Variants in CMC4 observed in about 807,000 individuals in gnomAD.
The protein encoded by CMC4 is cx9C motif-containing protein 4.
Under a neutral mutation model 5.1 loss-of-function variants are expected in CMC4, and 4 were observed. That is an observed-to-expected ratio of 0.78 (90% CI 0.38 to 1.78). The LOEUF is 1.78. Among genes scored for constraint, CMC4 ranks in the 40% most tolerant of loss-of-function variants. The probability of loss-of-function intolerance (pLI) is 0.04; values close to 1 mark genes in which losing one functional copy is unlikely to be tolerated. For synonymous variants in CMC4, 23 were observed against 18.9 expected, an observed-to-expected ratio of 1.22 and a Z score of -0.57; for missense variants, 52 against 51.3, an observed-to-expected ratio of 1.01 and a Z score of -0.04.
intron 1 of CMC4, chrX:155,065,712 A>G: frequency 8.3e-7 from 1 of 1,211,498 alleles, no homozygotes; most frequent in East Asian, 3.0e-5. Flanking sequence ...GCTGGGAGGT[A>G]AGAAGGTGAC....
At chrX:155,068,182 G>C (rs1043680674) in intron 1 of CMC4, among the ~76,000 whole-genome samples, 1 of 112,287 alleles carries the variant, frequency 8.9e-6, no homozygotes, top group Non-Finnish European at 1.9e-5. Context: ...CCAACATGTT[G>C]ACATTTAAAT....
intron 1 of CMC4, chrX:155,064,379 CT>C: frequency 7.7e-6 from 1 of 130,364 alleles, no homozygotes; most frequent in Non-Finnish European, 1.5e-5. Flanking sequence ...ACTCCTTGAG[CT>C]TTTTTTATTA....
intron 2 of CMC4, among the ~76,000 whole-genome samples, chrX:155,062,931 C>G (rs1383399502): frequency 9.0e-6 from 1 of 111,694 alleles, no homozygotes; most frequent in South Asian, 3.7e-4. Flanking sequence ...TATAACGGTG[C>G]TTGTCATCTT....
In CMC4 at chrX:155,061,920, T is replaced by C; in HGVS notation, c.130A>G (p.Lys44Glu). The C allele has an allele frequency of 8.3e-7, 1 of 1,211,583 alleles. No individual in the cohort carries two copies. The highest frequency in any genetic ancestry group is 1.1e-6 in the Non-Finnish European group (1 of 895,279). The change falls in exon 3 of 3, where the codon AAG becomes GAG. Residue 44 changes from lysine (K) to glutamate (E), a missense_variant. Lys to Glu is a moderately conservative substitution (Grantham distance 56). Transcript: ENST00000369484. ...CCTGAACAGACGACAGATCTTCCCT[T>C]GGGATACTGAGCACAACACTTACGC... is the stretch of plus-strand genomic sequence containing the variant. ...ELRKCCAQYP[K>E]GRSVVCSGFE...
chrX:155,069,049 A>T (rs1407312307), intron 1 of CMC4, among the ~76,000 whole-genome samples: 1 of 112,738 alleles, frequency 8.9e-6, no homozygotes, highest in Non-Finnish European at 1.9e-5. Context: ...ACTGGCCAAG[A>T]CAGACAATTT....
intron 1 of CMC4, among the ~76,000 whole-genome samples, chrX:155,070,149 C>T (rs2073966284): frequency 9.0e-6 from 1 of 111,623 alleles, no homozygotes; most frequent in Non-Finnish European, 1.9e-5. Context: ...TGGATGGGGA[C>T]CCTATGTGTG....
rs1557291659 is a variant in CMC4 at position 155,062,036 on chromosome X, A to G, written c.59-45T>C. ...ACTCTAGTCATGATCTCATAGGACT[A>G]AGGTACAGGGAGGTTTAGATCAGTG... is the stretch of plus-strand genomic sequence containing the variant. On this transcript the variant is annotated intron_variant, in intron 2 of 2. Coordinates refer to ENST00000369484, the MANE Select transcript of CMC4 (RefSeq NM_001018024.3). 4 of 1,170,026 alleles carry G rather than the reference A, an allele frequency of 3.4e-6. No homozygotes were observed. In the African/African-American group the frequency reaches 7.0e-5, roughly 21 times the overall value.
At chrX:155,069,908 C>T (rs781999210) in intron 1 of CMC4, among the ~76,000 whole-genome samples, 109 of 112,058 alleles carry the variant, frequency 9.7e-4, no homozygotes, top group African/African-American at 3.1e-3. Flanking sequence ...TAAGAACAGC[C>T]GTTCCTGCTC....
rs1304384460 is a variant in CMC4 at position 155,071,104 on chromosome X, T to G, written c.-421A>C. 1 of 110,682 alleles carries G rather than the reference T, an allele frequency of 9.0e-6. No individual in the cohort carries two copies. Among genetic ancestry groups the G allele is most frequent in the Non-Finnish European group, 1.9e-5 (1 of 52,392 alleles). 9.1% of individuals were successfully genotyped at this position (110,682 alleles called of 1,213,427 possible). A position where few individuals can be genotyped will look rare whatever the true frequency, so the allele number is the denominator to read the frequency against. The stretch of plus-strand genomic sequence containing the variant: ...TGGGCGCCGGTACTCGGGAGGCGCC[T>G]GCCCAGGCGCCCGGGCGCCGCTCAC... On this transcript the variant is annotated 5_prime_UTR_variant, in exon 1 of 3. Transcript: ENST00000369484.
Position 155,061,687 on chromosome X carries a change from T to C in CMC4, c.*156A>G. The stretch of plus-strand genomic sequence containing the variant: ...TACATTCTACATATTTGTCTTTTAA[T>C]GTGTTTATATTTCTGCCTGTTCTGC... On this transcript the variant is annotated 3_prime_UTR_variant, in exon 3 of 3. Coordinates refer to ENST00000369484, the MANE Select transcript of CMC4 (RefSeq NM_001018024.3). 1.9e-6 allele frequency: 1 copy of C among 540,047 alleles called. No homozygotes were observed. The allele number at this position is 540,047 out of a possible 1,213,427, so 44.5% of individuals were successfully genotyped here.
At chrX:155,066,274 CG>C (rs1316373809) in intron 1 of CMC4, among the ~76,000 whole-genome samples, 1 of 112,556 alleles carries the variant, frequency 8.9e-6, no homozygotes, top group Admixed American at 9.4e-5. Flanking sequence ...GACTGCAAAG[CG>C]CTCAAGAATT....
At chrX:155,064,953 A>G (rs1557291909) in intron 1 of CMC4, 1 of 117,198 alleles carries the variant, frequency 8.5e-6, no homozygotes, top group African/African-American at 3.2e-5. Context: ...GGAGAAGGAA[A>G]GGCAGGTGAA....
At position 155,070,692 on chromosome X, in the gene CMC4, A is replaced by C. The variant is rs1557292406; in HGVS notation, c.-11+2T>G. The stretch of plus-strand genomic sequence containing the variant: ...ACACTGTTTCTGCAAAAGGTTACTC[A>C]CATGAATATAATGTTTCTTGGGCTA... On this transcript the variant is annotated splice_donor_variant, in intron 1 of 2. Coordinates refer to ENST00000369484, the MANE Select transcript of CMC4 (RefSeq NM_001018024.3). LOFTEE classifies it low-confidence loss of function (5UTR_SPLICE). 1 of 112,567 alleles carries C rather than the reference A, an allele frequency of 8.9e-6. No homozygotes were observed. Among genetic ancestry groups the C allele is most frequent in the Non-Finnish European group, 1.9e-5 (1 of 53,254 alleles). 9.3% of individuals were successfully genotyped at this position (112,567 alleles called of 1,213,427 possible). A position where few individuals can be genotyped will look rare whatever the true frequency, so the allele number is the denominator to read the frequency against.
chrX:155,067,011 C>A (rs1557292074), intron 1 of CMC4, among the ~76,000 whole-genome samples: 1 of 112,135 alleles, frequency 8.9e-6, no homozygotes, highest in Admixed American at 9.4e-5. Context: ...ATCTTCTAGA[C>A]CTTACTCAGA....
chrX:155,065,268 T>A, intron 1 of CMC4: 2 of 434,690 alleles, frequency 4.6e-6, no homozygotes, highest in Non-Finnish European at 8.1e-6. Flanking sequence ...TTGCTAAACT[T>A]CTGTTTCTTG....
intron 1 of CMC4, among the ~76,000 whole-genome samples, chrX:155,069,541 T>C (rs1217617826): frequency 2.7e-5 from 3 of 112,501 alleles, no homozygotes; most frequent in East Asian, 5.5e-4. Flanking sequence ...GCAGAATTAT[T>C]ATCATCCCCA....
At chrX:155,067,753 T>C (rs1424086726) in intron 1 of CMC4, among the ~76,000 whole-genome samples, 1 of 112,589 alleles carries the variant, frequency 8.9e-6, no homozygotes, top group Non-Finnish European at 1.9e-5. Flanking sequence ...GATACAGTTC[T>C]GGGCACCCCA....
At chrX:155,065,898 A>G in intron 1 of CMC4, 1 of 1,206,439 alleles carries the variant, frequency 8.3e-7, no homozygotes, top group Non-Finnish European at 1.1e-6. Context: ...CAAAATGTAA[A>G]CAGTTACCTC....
At chrX:155,065,773 C>G in intron 1 of CMC4, 14 of 1,210,896 alleles carry the variant, frequency 1.2e-5, no homozygotes, top group Non-Finnish European at 1.6e-5. Context: ...GACTCGTGCC[C>G]TTAGGAAACT....
Sources: allele counts gnomAD v4.1 joint callset (sites outside exome capture counted in the v4.1 genomes callset), GRCh38; gene constraint gnomAD v4.1.1; transcripts MANE v1.5; gene names NCBI Gene and HGNC (gene_info 2026-07-23, HGNC 2026-07-21).